The following TMEM100 variants were observed in gnomAD, a reference collection of about 807,000 sequenced individuals.
TMEM100 encodes transmembrane protein 100.
For missense variants in TMEM100, 137 were observed against 168.2 expected (o/e 0.81, Z 1.02); for synonymous variants, 61 against 67.1 (o/e 0.91, Z 0.44).
chr17:55,726,044 G>A (rs1287406737), upstream of TMEM100, among the ~76,000 whole-genome samples: 1 of 152,148 alleles, frequency 6.6e-6, no homozygotes, highest in Non-Finnish European at 1.5e-5. Context: ...GGAAGATTAG[G>A]ATTAGTGGTG....
Position 55,720,121 on chromosome 17 carries a change from T to C in TMEM100, c.*545A>G, listed in dbSNP as rs1390285511. On this transcript the variant is annotated 3_prime_UTR_variant, in exon 2 of 2. Transcript: ENST00000424486. ...GTCCAATGTTAAAATATAAAAAATA[T>C]TACTTTTCAAGATAAAGTACCACCA... is the stretch of plus-strand genomic sequence containing the variant. 2.0e-5 allele frequency: 3 copies of C among 152,802 alleles called. No homozygotes were observed. The highest frequency in any genetic ancestry group is 2.1e-4 in the South Asian group (1 of 4,834). The allele number at this position is 152,802 out of a possible 1,614,324, so 9.5% of individuals were successfully genotyped here.
chr17:55,721,531 C>A (rs1215955203), intron 1 of TMEM100: 1 of 155,374 alleles, frequency 6.4e-6, no homozygotes, highest in Non-Finnish European at 1.4e-5. Context: ...CCAGAACTTA[C>A]AGCAACTCAG....
At chr17:55,730,962 A>T (rs1909191647) in intron 1 of TMEM100, among the ~76,000 whole-genome samples, 1 of 152,202 alleles carries the variant, frequency 6.6e-6, no homozygotes, top group Non-Finnish European at 1.5e-5. Flanking sequence ...CAATGTAAAA[A>T]CTTGGTAAAA....
upstream of TMEM100, among the ~76,000 whole-genome samples, chr17:55,725,507 A>T (rs907694762): frequency 6.6e-6 from 1 of 152,164 alleles, no homozygotes; most frequent in African/African-American, 2.4e-5. Context: ...CCAGAGTTAG[A>T]CTGAGACAGC....
At chr17:55,728,879 G>T (rs1909135615) in intron 1 of TMEM100, among the ~76,000 whole-genome samples, 1 of 152,152 alleles carries the variant, frequency 6.6e-6, no homozygotes, top group African/African-American at 2.4e-5. Context: ...GAAAAGGAAA[G>T]AACATGATTC....
intron 1 of TMEM100, 83 bp from the exon 2 acceptor site, chr17:55,721,218 C>A (rs1350795807): frequency 3.3e-6 from 3 of 900,214 alleles, no homozygotes; most frequent in East Asian, 5.3e-5. Flanking sequence ...GGAGGCACCT[C>A]CTTTCTAGGA....
chr17:55,720,459 C>G lies in TMEM100; in HGVS notation c.*207G>C, dbSNP rs1908830123. The G allele has an allele frequency of 3.2e-6, 2 of 626,612 alleles. No individual in the cohort carries two copies. Among genetic ancestry groups the G allele is most frequent in the East Asian group, 5.7e-5 (2 of 35,198 alleles). The allele number at this position is 626,612 out of a possible 1,614,324, so 38.8% of individuals were successfully genotyped here. A position where few individuals can be genotyped will look rare whatever the true frequency, so the allele number is the denominator to read the frequency against. On this transcript the variant is annotated 3_prime_UTR_variant, in exon 2 of 2. Transcript: ENST00000424486. ...AAATAGAAAGCTGATTTTTCAGTCT[C>G]AGAAGTAGCCCTTAGGGTTAAGTTT...
At chr17:55,726,594 C>T (rs1282305535), upstream of TMEM100, among the ~76,000 whole-genome samples, 4 of 152,142 alleles carry the variant, frequency 2.6e-5, no homozygotes, top group East Asian at 5.8e-4. Context: ...TTTGAGCTGG[C>T]TAATTTCCAG....
intron 1 of TMEM100, among the ~76,000 whole-genome samples, chr17:55,731,511 G>GA (rs989700119): frequency 2.0e-5 from 3 of 150,716 alleles, no homozygotes; most frequent in Non-Finnish European, 4.4e-5. Context: ...TCTTTTCTTA[G>GA]AAAAAAAAAT....
intron 1 of TMEM100, among the ~76,000 whole-genome samples, chr17:55,730,594 GA>G (rs199835786): frequency 2.7e-5 from 4 of 150,446 alleles, no homozygotes; most frequent in South Asian, 2.1e-4. Flanking sequence ...TGCTTCACCA[GA>G]AAAAAAAATG....
At chr17:55,730,631 T>C (rs567146722) in intron 1 of TMEM100, among the ~76,000 whole-genome samples, 1 of 152,186 alleles carries the variant, frequency 6.6e-6, no homozygotes, top group Non-Finnish European at 1.5e-5. Flanking sequence ...AGAACCTCTG[T>C]AGTGTTATAT....
chr17:55,727,760 G>C (rs1909108699), upstream of TMEM100: 1 of 152,222 alleles, frequency 6.6e-6, no homozygotes, highest in Admixed American at 6.5e-5. Context: ...GGGTCAGTTA[G>C]CTTTTCCCCA....
At chr17:55,721,605 C>CA (rs1908891817) in intron 1 of TMEM100, 1 of 153,538 alleles carries the variant, frequency 6.5e-6, no homozygotes, top group African/African-American at 2.4e-5. Flanking sequence ...TGGCTGCCCA[C>CA]AAAATCAATG....
At chr17:55,729,663 C>G (rs1909154524) in intron 1 of TMEM100, among the ~76,000 whole-genome samples, 1 of 152,094 alleles carries the variant, frequency 6.6e-6, no homozygotes, top group Admixed American at 6.5e-5. Context: ...ATTTTGCTGA[C>G]ACACATACAA....
At chr17:55,728,818 G>C (rs1209756984) in intron 1 of TMEM100, among the ~76,000 whole-genome samples, 1 of 152,154 alleles carries the variant, frequency 6.6e-6, no homozygotes, top group South Asian at 2.1e-4. Context: ...GGGGTAGGGG[G>C]TGGTGGAGGT....
chr17:55,730,436 T>C (rs939247316), intron 1 of TMEM100, among the ~76,000 whole-genome samples: 4 of 152,228 alleles, frequency 2.6e-5, no homozygotes, highest in African/African-American at 9.6e-5. Flanking sequence ...AAATGGTGCC[T>C]AGGACTAGAA....
Position 55,719,750 on chromosome 17 carries a change from A to G in TMEM100, c.*916T>C, listed in dbSNP as rs1908798426. The G allele has an allele frequency of 6.6e-6, 1 of 152,490 alleles. No homozygotes were observed. The highest frequency in any genetic ancestry group is 2.4e-5 in the African/African-American group (1 of 41,466). The allele number at this position is 152,490 out of a possible 1,614,324, so 9.4% of individuals were successfully genotyped here. A position where few individuals can be genotyped will look rare whatever the true frequency, so the allele number is the denominator to read the frequency against. ...TTAGTAAACGTAATTAAGACTATTC[A>G]GAAGTAATGAAAAACCAATATGATA... On this transcript the variant is annotated 3_prime_UTR_variant, in exon 2 of 2. Coordinates refer to ENST00000424486, the MANE Select transcript of TMEM100 (RefSeq NM_018286.3).
Position 55,720,541 on chromosome 17 carries a change from A to ACCCCC in TMEM100, c.*120_*124dup. 2 of 603,376 alleles carry ACCCCC rather than the reference A, an allele frequency of 3.3e-6. No homozygotes were observed. The highest frequency in any genetic ancestry group is 5.5e-6 in the Non-Finnish European group (2 of 365,716). The allele number at this position is 603,376 out of a possible 1,614,324, so 37.4% of individuals were successfully genotyped here. On this transcript the variant is annotated 3_prime_UTR_variant, in exon 2 of 2. Coordinates refer to ENST00000424486, the MANE Select transcript of TMEM100 (RefSeq NM_018286.3). ...AAAGGAGAAGCCCCTCCACCCTCCC[A>ACCCCC]CCCCCATTCTTCCAGTCTGCTCCAA...
At chr17:55,725,645 C>T (rs1472588232), upstream of TMEM100, among the ~76,000 whole-genome samples, 1 of 151,418 alleles carries the variant, frequency 6.6e-6, no homozygotes, top group Non-Finnish European at 1.5e-5. Flanking sequence ...GAGGAAATCC[C>T]TTAAATGCTG....
Sources: gnomAD v4.1 joint callset for allele counts (sites outside exome capture counted in the v4.1 genomes callset) on GRCh38, gnomAD v4.1.1 for gene constraint, MANE v1.5 for transcripts, NCBI Gene and HGNC (gene_info 2026-07-23, HGNC 2026-07-21) for gene names.